NIN: variants seen among roughly 807,000 people sequenced by gnomAD.
NIN encodes the protein ninein.
A neutral mutation model predicts 257.6 loss-of-function variants in NIN; 137 were observed. That is an observed-to-expected ratio of 0.53 (90% CI 0.46 to 0.61). NIN has a LOEUF of 0.61. Among genes scored for constraint, NIN ranks in the 20% least tolerant of loss-of-function variants. The pLI is 0.00. For synonymous variants in NIN, 918 were observed against 919.8 expected (o/e 1.00, Z 0.04); for missense variants, 2,439 against 2,501.2 (o/e 0.98, Z 0.53).
At chr14:50,762,157 A>T (rs990586035) in intron 15 of NIN, among the ~76,000 whole-genome samples, 10 of 152,154 alleles carry the variant, frequency 6.6e-5, no homozygotes, top group African/African-American at 2.2e-4. Context: ...CCTTAATAGA[A>T]TCCATCTCTT....
In NIN at chr14:50,766,765, T is replaced by C. The variant is rs771292259; in HGVS notation, c.1545+15A>G. On this transcript the variant is annotated intron_variant, in intron 13 of 30. Coordinates refer to ENST00000530997, the MANE Select transcript of NIN (RefSeq NM_020921.4). ...GTAGGCTGCCTATCAGGAAATGAGA[T>C]TTGAACAGGTTTACCTTTTCTGCTA... is the stretch of plus-strand genomic sequence containing the variant. 1.3e-6 allele frequency: 2 copies of C among 1,559,482 alleles called. No individual in the cohort carries two copies.
chr14:50,824,982 T>C (rs1351541276), intron 2 of NIN, among the ~76,000 whole-genome samples: 1 of 152,232 alleles, frequency 6.6e-6, no homozygotes, highest in Admixed American at 6.5e-5. Flanking sequence ...TTCGACTGCA[T>C]TGTCTTGCTA....
intron 24 of NIN, 67 bp downstream of exon 24, chr14:50,743,349 C>A: frequency 1.9e-6 from 2 of 1,027,950 alleles, no homozygotes; most frequent in Non-Finnish European, 3.1e-6. Flanking sequence ...CTCTTTTTAC[C>A]GGGATTTCTG....
intron 22 of NIN, 25 bp from the exon 23 acceptor site, chr14:50,744,390 C>T: frequency 6.2e-7 from 1 of 1,611,344 alleles, no homozygotes; most frequent in South Asian, 1.1e-5. Flanking sequence ...CAAATGAGCC[C>T]TCCCATCACA....
intron 24 of NIN, among the ~76,000 whole-genome samples, chr14:50,742,829 A>G (rs1004154289): frequency 1.3e-5 from 2 of 152,240 alleles, no homozygotes; most frequent in Non-Finnish European, 2.9e-5. Flanking sequence ...TAGAAGTCCT[A>G]TCTATAAATT....
At chr14:50,771,761 G>T (rs897769321) in intron 9 of NIN, among the ~76,000 whole-genome samples, 1 of 152,078 alleles carries the variant, frequency 6.6e-6, no homozygotes, top group Non-Finnish European at 1.5e-5. Context: ...CGAGGCATGC[G>T]GATCATTTGA....
intron 2 of NIN, among the ~76,000 whole-genome samples, chr14:50,822,823 A>C (rs537055233): frequency 6.6e-6 from 1 of 152,392 alleles, no homozygotes; most frequent in South Asian, 2.1e-4. Context: ...AGCTTGCTTT[A>C]GTCCCAGCGA....
At chr14:50,775,746 A>G (rs1424068831) in intron 7 of NIN, among the ~76,000 whole-genome samples, 1 of 152,192 alleles carries the variant, frequency 6.6e-6, no homozygotes, top group Non-Finnish European at 1.5e-5. Flanking sequence ...GGTTTTAGAT[A>G]AATAATCCAA....
At chr14:50,734,553 A>T (rs1315885235) in intron 28 of NIN, among the ~76,000 whole-genome samples, 1 of 152,250 alleles carries the variant, frequency 6.6e-6, no homozygotes, top group Non-Finnish European at 1.5e-5. Flanking sequence ...ATATCAATGA[A>T]ATCCTTAAGA....
chr14:50,783,713 G>C (rs947672006), intron 5 of NIN, among the ~76,000 whole-genome samples: 1 of 152,116 alleles, frequency 6.6e-6, no homozygotes, highest in African/African-American at 2.4e-5. Flanking sequence ...TCACTGCCTG[G>C]AGCCAGTAGT....
At chr14:50,744,115 A>C in intron 23 of NIN, 128 bp downstream of exon 23, 1 of 969,464 alleles carries the variant, frequency 1.0e-6, no homozygotes, top group South Asian at 1.9e-5. Flanking sequence ...ATGCCAAAGA[A>C]ATGCTGCTCC....
At position 50,738,234 on chromosome 14, in the gene NIN, G is replaced by A; in HGVS notation, c.5681C>T (p.Pro1894Leu). 6.2e-7 allele frequency: 1 copy of A among 1,613,984 alleles called. No homozygotes were observed. Among genetic ancestry groups the A allele is most frequent in the East Asian group, 2.2e-5 (1 of 44,870 alleles). The change falls in exon 27 of 31, where the codon CCA (proline) becomes CTA (leucine). Residue 1894 changes from proline to leucine, a missense_variant. Physicochemically the swap from Pro to Leu is moderately conservative, Grantham distance 98. Transcript: ENST00000530997. The stretch of plus-strand genomic sequence containing the variant: ...CTCTGTGGGATTCATGGTACCTGAT[G>A]GGTTTAGATGTTTTTGGTGCTTGGG... ...LLPKHQKHLN[P>L]SGTMNPTEQE...
intron 4 of NIN, among the ~76,000 whole-genome samples, chr14:50,793,570 C>T (rs1246734283): frequency 6.6e-6 from 1 of 152,174 alleles, no homozygotes; most frequent in African/African-American, 2.4e-5. Flanking sequence ...TTGTAAGCAT[C>T]GGTGTTGTAC....
chr14:50,821,553 T>G (rs1363233956), intron 3 of NIN, among the ~76,000 whole-genome samples: 1 of 152,112 alleles, frequency 6.6e-6, no homozygotes, highest in Non-Finnish European at 1.5e-5. Flanking sequence ...AATCTCACCC[T>G]CCTCCTTTCT....
At position 50,743,463 on chromosome 14, in the gene NIN, G is replaced by A. The variant is rs752440886; in HGVS notation, c.5254C>T (p.His1752Tyr). ...TMKQEQKSWE[H>Y]QSASLKSQLV... ...TGTGACTTTAAGCTCGCACTCTGAT[G>A]TTCCCAGGATTTCTGTTCCTGCTTC... Residue 1752 changes from histidine to tyrosine, a missense_variant, in exon 24 of 31, where the codon CAT becomes TAT. Around this residue, in one of 3 missense-constraint regions of NIN, gnomAD observed 2,043 missense variants for 2,050.2 expected, o/e 1.00. Coordinates refer to ENST00000530997, the MANE Select transcript of NIN (RefSeq NM_020921.4). The A allele has an allele frequency of 3.1e-6, 5 of 1,613,728 alleles. No individual in the cohort carries two copies. In the African/African-American group the frequency reaches 5.3e-5, roughly 17 times the overall value.
rs1419108816 is a variant in NIN at position 50,744,654 on chromosome 14, T to C, written c.5065-289A>G. ...TAAAAAACCAGTCAAGACTATAGAA[T>C]TGGGCTGTGGGGGTGGCTCACACCT... On this transcript the variant is annotated intron_variant, in intron 22 of 30. Transcript: ENST00000530997. Among the ~76,000 whole-genome samples the C allele has an allele frequency of 2.0e-5, 3 of 152,138 alleles. No homozygotes were observed. The East Asian group carries it at 5.8e-4, about 29-fold the overall frequency.
chr14:50,822,564 T>C (rs755549984), intron 2 of NIN, among the ~76,000 whole-genome samples: 1 of 152,224 alleles, frequency 6.6e-6, no homozygotes, highest in African/African-American at 2.4e-5. Context: ...TTAGACAACC[T>C]GCCCCGATGG....
rs1272927442 is a variant in NIN, at chr14:50,756,349, A to G, written c.4538+143T>C. 39 of 853,154 alleles carry G rather than the reference A, an allele frequency of 4.6e-5. No homozygotes were observed. The South Asian group carries it at 6.5e-4, about 14-fold the overall frequency. The allele number at this position is 853,154 out of a possible 1,614,324, so 52.8% of individuals were successfully genotyped here. ...AGGTTATTTTATTTGTTAATACGGC[A>G]CAGAAGCAGAAGGAAGTCTAGAGAG... On this transcript the variant is annotated intron_variant, in intron 18 of 30. Coordinates refer to ENST00000530997, the MANE Select transcript of NIN (RefSeq NM_020921.4).
intron 4 of NIN, among the ~76,000 whole-genome samples, chr14:50,795,553 C>A (rs967210466): frequency 2.0e-5 from 3 of 152,328 alleles, no homozygotes; most frequent in Admixed American, 2.0e-4. Flanking sequence ...CCCTTTCTGA[C>A]CATGCCTAAT....
Sources: allele counts gnomAD v4.1 joint callset (sites outside exome capture counted in the v4.1 genomes callset), GRCh38; gene constraint gnomAD v4.1.1; regional missense constraint gnomAD v4.1.1; transcripts MANE v1.5; gene names NCBI Gene and HGNC (gene_info 2026-07-23, HGNC 2026-07-21).